Variants in FHIT observed in about 807,000 individuals in gnomAD.
The protein encoded by FHIT is fragile histidine triad diadenosine triphosphatase.
A neutral mutation model predicts 17.9 loss-of-function variants in FHIT; 19 were observed. The ratio of observed to expected loss-of-function variants is 1.06; its 90% CI spans 0.74 to 1.56. FHIT has a LOEUF of 1.56. Ranked by LOEUF, FHIT falls within the 40% of genes most tolerant of loss-of-function variation. The pLI, the probability that FHIT is intolerant of heterozygous loss-of-function variation, is 0.00. For synonymous variants in FHIT, 81 were observed against 69.7 expected, an observed-to-expected ratio of 1.16 and a Z score of -0.81; for missense variants, 248 against 189.2, an observed-to-expected ratio of 1.31 and a Z score of -1.82.
chr3:60,368,171 G>A (rs1302107333), intron 5 of FHIT, among the ~76,000 whole-genome samples: 2 of 142,300 alleles, frequency 1.4e-5, no homozygotes, highest in African/African-American at 5.2e-5. Context: ...AAATGGAACT[G>A]TAAAATCATA....
chr3:60,205,405 G>A (rs1454152475), intron 5 of FHIT, among the ~76,000 whole-genome samples: 2 of 152,112 alleles, frequency 1.3e-5, no homozygotes, highest in Non-Finnish European at 2.9e-5. Context: ...AGGTCAGAAC[G>A]TCCCAAATTC....
chr3:60,757,907 G>T (rs575496397), intron 4 of FHIT, among the ~76,000 whole-genome samples: 1 of 152,284 alleles, frequency 6.6e-6, no homozygotes, highest in East Asian at 1.9e-4. Flanking sequence ...ACGTCCTGCT[G>T]GATGCCTGCC....
intron 4 of FHIT, among the ~76,000 whole-genome samples, chr3:60,785,773 C>T (rs1021182999): frequency 2.0e-5 from 3 of 150,904 alleles, no homozygotes; most frequent in Non-Finnish European, 4.5e-5. Context: ...TGAAAACCAA[C>T]CATATTCTTA....
intron 4 of FHIT, among the ~76,000 whole-genome samples, chr3:60,676,167 G>A (rs377217731): frequency 2.0e-4 from 31 of 152,158 alleles, no homozygotes; most frequent in African/African-American, 7.0e-4. Context: ...TCCCTTTCAG[G>A]TTGCTGAGAT....
chr3:59,998,710 G>A (rs969998215), intron 7 of FHIT, among the ~76,000 whole-genome samples: 2 of 152,116 alleles, frequency 1.3e-5, no homozygotes, highest in Non-Finnish European at 2.9e-5. Context: ...ACAGAGGGAA[G>A]GGTGGAAGGT....
intron 3 of FHIT, among the ~76,000 whole-genome samples, chr3:60,921,967 G>C (rs1553768504): frequency 1.3e-5 from 2 of 152,166 alleles, no homozygotes; most frequent in African/African-American, 4.8e-5. Flanking sequence ...AATAAATGAG[G>C]CTTGAAAGCT....
At chr3:60,869,360 G>A (rs1704301056) in intron 3 of FHIT, among the ~76,000 whole-genome samples, 2 of 152,102 alleles carry the variant, frequency 1.3e-5, no homozygotes, top group African/African-American at 4.8e-5. Flanking sequence ...AGGACTCAGA[G>A]GCAAAGATGC....
chr3:60,957,712 CT>C (rs1553779412), intron 3 of FHIT, among the ~76,000 whole-genome samples: 1 of 152,230 alleles, frequency 6.6e-6, no homozygotes, highest in African/African-American at 2.4e-5. Context: ...GTGTCACTTC[CT>C]CTCGGAAGCC....
At chr3:61,016,058 G>T (rs976831830) in intron 3 of FHIT, among the ~76,000 whole-genome samples, 1 of 152,174 alleles carries the variant, frequency 6.6e-6, no homozygotes, top group Non-Finnish European at 1.5e-5. Context: ...TCTGTGCCAT[G>T]TGTACAGGCC....
In FHIT at chr3:59,870,978, C is replaced by A. The variant is rs547866685; in HGVS notation, c.348+51368G>T. Among the ~76,000 whole-genome samples, 322 of 152,130 alleles carry A rather than the reference C, an allele frequency of 2.1e-3. 2 individuals carry two copies. Among genetic ancestry groups the A allele is most frequent in the African/African-American group, 7.3e-3 (303 of 41,478 alleles). On this transcript the variant is annotated intron_variant, in intron 8 of 9. Coordinates refer to ENST00000492590, the MANE Select transcript of FHIT (RefSeq NM_002012.4). ...TTCATACCACATGTGACTTGCCACA[C>A]AAGTCTGATCACATTGGAACTGGTC...
At chr3:61,181,657 A>C (rs757879114) in intron 2 of FHIT, among the ~76,000 whole-genome samples, 1 of 152,162 alleles carries the variant, frequency 6.6e-6, no homozygotes, top group Non-Finnish European at 1.5e-5. Flanking sequence ...GACCAAAAAA[A>C]TCTACCATGT....
intron 4 of FHIT, among the ~76,000 whole-genome samples, chr3:60,632,111 T>TA (rs2039460495): frequency 6.6e-6 from 1 of 152,032 alleles, no homozygotes; most frequent in Non-Finnish European, 1.5e-5. Flanking sequence ...TGTTTTTTTT[T>TA]AATTGCAACT....
At chr3:60,504,624 T>G (rs1309931176) in intron 5 of FHIT, among the ~76,000 whole-genome samples, 1 of 152,138 alleles carries the variant, frequency 6.6e-6, no homozygotes, top group Non-Finnish European at 1.5e-5. Context: ...GCTTCAGCGA[T>G]AGTGGACAGG....
chr3:60,609,052 T>C (rs2038698742), intron 4 of FHIT, among the ~76,000 whole-genome samples: 1 of 151,782 alleles, frequency 6.6e-6, no homozygotes. Context: ...ATAAATGTCC[T>C]GGAGACTTCT....
chr3:60,591,722 A>T (rs1300344534), intron 4 of FHIT, among the ~76,000 whole-genome samples: 1 of 152,086 alleles, frequency 6.6e-6, no homozygotes, highest in African/African-American at 2.4e-5. Context: ...TCTGAGATTC[A>T]TTCTTTAGTT....
At chr3:60,145,280 C>T (rs1253901246) in intron 5 of FHIT, among the ~76,000 whole-genome samples, 1 of 152,130 alleles carries the variant, frequency 6.6e-6, no homozygotes, top group Non-Finnish European at 1.5e-5. Flanking sequence ...CTTTCTGTTG[C>T]TACCTCAAAG....
intron 4 of FHIT, among the ~76,000 whole-genome samples, chr3:60,610,495 A>C (rs1428433526): frequency 1.3e-5 from 2 of 152,158 alleles, no homozygotes; most frequent in Admixed American, 1.3e-4. Context: ...TAAAACTCTA[A>C]GTGTTTTAGG....
At chr3:60,113,430 AC>A (rs1407118489) in intron 5 of FHIT, among the ~76,000 whole-genome samples, 6 of 151,884 alleles carry the variant, frequency 4.0e-5, no homozygotes, top group Non-Finnish European at 2.9e-5. Context: ...GAGCTGTTCA[AC>A]GTGTGTGTGG....
chr3:60,584,964 T>C (rs2037860436), intron 4 of FHIT, among the ~76,000 whole-genome samples: 1 of 152,020 alleles, frequency 6.6e-6, no homozygotes, highest in Non-Finnish European at 1.5e-5. Flanking sequence ...ACAAATCATT[T>C]TGAATTTATT....
Sources: allele counts gnomAD v4.1 joint callset (sites outside exome capture counted in the v4.1 genomes callset), GRCh38; gene constraint gnomAD v4.1.1; transcripts MANE v1.5; gene names NCBI Gene and HGNC (gene_info 2026-07-23, HGNC 2026-07-21).